C7: variants seen among roughly 807,000 people sequenced by gnomAD.
The protein encoded by C7 is complement C7.
In C7, 83 loss-of-function variants were observed where a neutral mutation model predicts 104.8. The observed-to-expected ratio is 0.79, with a 90% CI of 0.66 to 0.95. The LOEUF (loss-of-function observed/expected upper bound fraction) is 0.95. Among genes scored for constraint, C7 ranks in the 40% least tolerant of loss-of-function variants. C7 has a pLI of 0.00. For synonymous variants in C7, 415 were observed against 360.6 expected (o/e 1.15, Z -1.71); for missense variants, 1,070 against 1,011.2 (o/e 1.06, Z -0.79).
At chr5:40,930,084 A>T (rs992346067) in intron 2 of C7, among the ~76,000 whole-genome samples, 1 of 152,070 alleles carries the variant, frequency 6.6e-6, no homozygotes, top group Non-Finnish European at 1.5e-5. Context: ...TTCCCATAAC[A>T]CATTATATTG....
chr5:40,972,987 T>C (rs1391012278), intron 15 of C7, among the ~76,000 whole-genome samples: 1 of 152,256 alleles, frequency 6.6e-6, no homozygotes, highest in African/African-American at 2.4e-5. Flanking sequence ...TTTAAAGTTC[T>C]GTATGTTTCA....
rs576345760 is a variant in C7, at chr5:40,916,305, A to G, written c.6+6689A>G. ...TATTTATTTAGGCTTGTGCTATCAC[A>G]TAAAGATGATCATAAAAGGCCTCAG... On this transcript the variant is annotated intron_variant, in intron 1 of 17. Transcript: ENST00000313164. Among the ~76,000 whole-genome samples the G allele has an allele frequency of 2.4e-4, 37 of 152,326 alleles. 1 individual carries two copies. In the South Asian group the frequency reaches 6.4e-3, roughly 26 times the overall value.
At chr5:40,929,011 T>C (rs1739618745) in intron 2 of C7, among the ~76,000 whole-genome samples, 1 of 152,170 alleles carries the variant, frequency 6.6e-6, no homozygotes, top group Non-Finnish European at 1.5e-5. Flanking sequence ...TGAGAGTTTT[T>C]TAAGAAAATA....
chr5:40,954,905 A>AAAAAAAAT, intron 9 of C7: 1 of 254,056 alleles, frequency 3.9e-6, no homozygotes, highest in Non-Finnish European at 7.6e-6. Context: ...AAAAAAAAAA[A>AAAAAAAAT]GAAAACCACC....
intron 4 of C7, among the ~76,000 whole-genome samples, chr5:40,934,843 C>T (rs568112537): frequency 6.6e-6 from 1 of 152,252 alleles, no homozygotes; most frequent in East Asian, 1.9e-4. Context: ...AAAAGCAACC[C>T]TAATGAACTG....
chr5:40,914,113 G>A (rs1739266504), intron 1 of C7, among the ~76,000 whole-genome samples: 1 of 152,184 alleles, frequency 6.6e-6, no homozygotes, highest in Admixed American at 6.5e-5. Context: ...ACAGGTGTGA[G>A]CCATCACATT....
Position 40,979,914 on chromosome 5 carries a change from G to C in C7, c.2350+5G>C. ...CACTGTGGGGAAAATGTGATGGTAA[G>C]GGGCCTTTCATATTTGTAAGTATAA... On this transcript the variant is annotated splice_donor_5th_base_variant and intron_variant, in intron 17 of 17. Transcript: ENST00000313164. 1 of 1,568,424 alleles carries C rather than the reference G, an allele frequency of 6.4e-7. No homozygotes were observed. The highest frequency in any genetic ancestry group is 8.7e-7 in the Non-Finnish European group (1 of 1,155,134).
intron 1 of C7, among the ~76,000 whole-genome samples, chr5:40,923,230 A>G (rs6451544): frequency 0.049 from 7,492 of 152,306 alleles, 517 homozygotes; most frequent in African/African-American, 0.16. Flanking sequence ...AAAATGCTCA[A>G]TATCACTAAT....
At chr5:40,965,784 G>C (rs1740538113) in intron 14 of C7, among the ~76,000 whole-genome samples, 1 of 151,588 alleles carries the variant, frequency 6.6e-6, no homozygotes, top group African/African-American at 2.4e-5. Flanking sequence ...TGGGACTACA[G>C]GTGTGTGCCA....
chr5:40,962,887 C>T (rs1740452829), intron 13 of C7, among the ~76,000 whole-genome samples: 1 of 152,136 alleles, frequency 6.6e-6, no homozygotes. Flanking sequence ...AAACCCCAGG[C>T]CCTTGAACAT....
At chr5:40,981,202 T>G (rs1033318586) in intron 17 of C7, among the ~76,000 whole-genome samples, 190 bp from the exon 18 acceptor site, 1 of 152,166 alleles carries the variant, frequency 6.6e-6, no homozygotes, top group East Asian at 1.9e-4. Context: ...CCTCAAAACC[T>G]ATTTCTTTGG....
At chr5:40,952,700 TG>T (rs1257999784) in intron 9 of C7, among the ~76,000 whole-genome samples, 19 of 151,840 alleles carry the variant, frequency 1.3e-4, no homozygotes, top group African/African-American at 4.6e-4. Context: ...TGTGTCCAAG[TG>T]TTCTCATTGT....
intron 6 of C7, among the ~76,000 whole-genome samples, chr5:40,944,831 C>T (rs933915135): frequency 2.0e-5 from 3 of 152,182 alleles, no homozygotes; most frequent in African/African-American, 7.2e-5. Context: ...ATCTCTGTTC[C>T]TCTTTGTTAG....
rs28390288 is a variant in C7 at position 40,957,774 on chromosome 5, T to G, written c.1261-259T>G. ...CCTGGGCTGGTTTTTTTTTGTTTTT[T>G]TTTTTTTTAAATCTTACGCATGCAC... is the stretch of plus-strand genomic sequence containing the variant. On this transcript the variant is annotated intron_variant, in intron 10 of 17. Coordinates refer to ENST00000313164, the MANE Select transcript of C7 (RefSeq NM_000587.4). 0.016 allele frequency among the ~76,000 whole-genome samples: 691 copies of G among 44,438 alleles called. 11 individuals carry two copies. In the East Asian group the frequency reaches 0.2, roughly 13 times the overall value. The allele number at this position is 44,438 out of a possible 152,430, so 29.2% of individuals were successfully genotyped here.
chr5:40,957,927 C>A, intron 10 of C7, 106 bp from the exon 11 acceptor site: 1 of 652,582 alleles, frequency 1.5e-6, no homozygotes. Flanking sequence ...ACAAACTTGC[C>A]CGTGGCTTTT....
chr5:40,945,310 C>A lies in C7; in HGVS notation c.680C>A (p.Ser227Tyr). The A allele has an allele frequency of 6.2e-7, 1 of 1,608,806 alleles. No individual in the cohort carries two copies. Among genetic ancestry groups the A allele is most frequent in the Non-Finnish European group, 8.5e-7 (1 of 1,177,794 alleles). Residue 227 changes from serine (S) to tyrosine (Y), a missense_variant, in exon 7 of 18, where the codon TCT becomes TAT. Ser to Tyr is a moderately radical substitution (Grantham distance 144). Transcript: ENST00000313164. The part of the protein sequence containing the change: ...SSSRKRSFFR[S>Y]SSSSSRSYTS... The stretch of plus-strand genomic sequence containing the variant: ...AGTCGGAAGCGCTCCTTTTTTAGAT[C>A]TTCATCATCTTCTTCACGCAGTTAT...
intron 9 of C7, among the ~76,000 whole-genome samples, chr5:40,951,385 T>C (rs1207292105): frequency 1.3e-5 from 2 of 152,202 alleles, no homozygotes; most frequent in Non-Finnish European, 2.9e-5. Context: ...ATACTGCACA[T>C]TCTTACTTTT....
At chr5:40,945,875 CATATATATATATATATATATATATAT>C (rs58480949) in intron 7 of C7, among the ~76,000 whole-genome samples, 2 of 127,326 alleles carry the variant, frequency 1.6e-5, no homozygotes, top group Non-Finnish European at 3.3e-5. Context: ...AAAAAAAATA[CATATATATATATATATATATATATAT>C]ATATATATGT....
intron 17 of C7, among the ~76,000 whole-genome samples, chr5:40,981,162 T>C (rs1333721891): frequency 6.6e-6 from 1 of 152,214 alleles, no homozygotes; most frequent in Non-Finnish European, 1.5e-5. Flanking sequence ...CCACCCCATG[T>C]GGTCTAACCA....
Sources: allele counts gnomAD v4.1 joint callset (sites outside exome capture counted in the v4.1 genomes callset), GRCh38; gene constraint gnomAD v4.1.1; transcripts MANE v1.5; gene names NCBI Gene and HGNC (gene_info 2026-07-23, HGNC 2026-07-21).